NOX4: variants seen among roughly 807,000 people sequenced by gnomAD.
NOX4 encodes the protein NADPH oxidase 4.
Under a neutral mutation model 87.6 loss-of-function variants are expected in NOX4, and 69 were observed. That is an observed-to-expected ratio of 0.79 (90% CI 0.65 to 0.96). The LOEUF is 0.96. NOX4 is among the 40% of genes least tolerant of loss of function. NOX4 has a pLI of 0.00. For missense variants in NOX4, 680 were observed against 681.5 expected, an observed-to-expected ratio of 1.00 and a Z score of 0.02; for synonymous variants, 275 against 238.2, an observed-to-expected ratio of 1.15 and a Z score of -1.42.
intron 11 of NOX4, 62 bp downstream of exon 11, chr11:89,399,954 CA>C: frequency 7.1e-6 from 9 of 1,260,090 alleles, no homozygotes; most frequent in African/African-American, 1.5e-5. Flanking sequence ...AGACAGGACA[CA>C]AAAAAAGAAA....
chr11:89,333,389 CAT>C (rs906660076), intron 17 of NOX4, among the ~76,000 whole-genome samples: 2 of 151,810 alleles, frequency 1.3e-5, no homozygotes, highest in East Asian at 1.9e-4. Flanking sequence ...CACACACACA[CAT>C]ACAAACATAT....
At chr11:89,507,210 G>A in the NOX4 span, among the ~76,000 whole-genome samples, 1 of 151,778 alleles carries the variant, frequency 6.6e-6, no homozygotes, top group Non-Finnish European at 1.5e-5. Context: ...CGTTTAGTAG[G>A]GATGGATACG....
the NOX4 span, among the ~76,000 whole-genome samples, chr11:89,507,931 C>T: frequency 6.6e-6 from 1 of 151,698 alleles, no homozygotes; most frequent in Non-Finnish European, 1.5e-5. Context: ...GAATTAAAAT[C>T]CAAATAGCCA....
the NOX4 span, among the ~76,000 whole-genome samples, chr11:89,557,722 G>C: frequency 6.6e-6 from 1 of 152,020 alleles, no homozygotes; most frequent in Non-Finnish European, 1.5e-5. Context: ...ACTTACTCAG[G>C]ATACCTCATA....
intron 11 of NOX4, among the ~76,000 whole-genome samples, chr11:89,392,453 C>G (rs796661189): frequency 8.5e-5 from 13 of 152,194 alleles, no homozygotes; most frequent in African/African-American, 3.1e-4. Flanking sequence ...TTTCACCAAC[C>G]CAAACACATT....
At chr11:89,333,988 CT>C (rs558741511) in intron 17 of NOX4, among the ~76,000 whole-genome samples, 83 of 151,776 alleles carry the variant, frequency 5.5e-4, no homozygotes, top group Non-Finnish European at 1.0e-3. Flanking sequence ...ACAAATCGCT[CT>C]AAAACACAAA....
chr11:89,531,348 T>C, the NOX4 span, among the ~76,000 whole-genome samples: 2 of 152,114 alleles, frequency 1.3e-5, no homozygotes, highest in Admixed American at 1.3e-4. Flanking sequence ...TAAGCAACAG[T>C]GATTTTAAGA....
chr11:89,484,998 G>A (rs951033396), intron 2 of NOX4, among the ~76,000 whole-genome samples: 1 of 152,078 alleles, frequency 6.6e-6, no homozygotes, highest in Admixed American at 6.6e-5. Flanking sequence ...GCCCAGGCCA[G>A]CTGTGAAACT....
At chr11:89,513,949 CCAA>C in the NOX4 span, among the ~76,000 whole-genome samples, 9 of 151,802 alleles carry the variant, frequency 5.9e-5, no homozygotes, top group Non-Finnish European at 1.3e-4. Flanking sequence ...ACGTTATGAC[CCAA>C]CAAGAAAGCC....
At chr11:89,376,615 G>T (rs1427304903) in intron 11 of NOX4, among the ~76,000 whole-genome samples, 2 of 152,194 alleles carry the variant, frequency 1.3e-5, no homozygotes, top group Admixed American at 1.3e-4. Context: ...GGCCGCAGTG[G>T]CTCACGCCTG....
rs936644259 is a variant in NOX4, at chr11:89,362,173, G to GACACAGACACACACAC, written c.1136-7131_1136-7130insGTGTGTGTGTCTGTGT. On this transcript the variant is annotated intron_variant, in intron 12 of 17. Transcript: ENST00000263317. Reference sequence around the variant, plus strand: ...GCATTTTACATTACACACAGACACAGACACACACACACACACACACACACA... The same window carrying GACACAGACACACACAC: ...GCATTTTACATTACACACAGACACAGACACAGACACACACACACACACACACACACACACACACACA... 4.1e-5 allele frequency among the ~76,000 whole-genome samples: 6 copies of GACACAGACACACACAC among 146,920 alleles called. 1 individual carries two copies. The highest frequency in any genetic ancestry group is 1.5e-4 in the African/African-American group (6 of 40,398).
chr11:89,437,599 T>G (rs1332575484), intron 6 of NOX4, among the ~76,000 whole-genome samples: 1 of 151,926 alleles, frequency 6.6e-6, no homozygotes. Flanking sequence ...ACCAAAATGG[T>G]GCTAATTTGC....
the NOX4 span, among the ~76,000 whole-genome samples, chr11:89,541,045 T>C: frequency 1.3e-5 from 2 of 152,234 alleles, no homozygotes; most frequent in African/African-American, 4.8e-5. Flanking sequence ...TACTCCATCT[T>C]TACCCCGAGG....
intron 15 of NOX4, among the ~76,000 whole-genome samples, chr11:89,338,134 T>C (rs1197565221): frequency 1.3e-5 from 2 of 152,052 alleles, no homozygotes; most frequent in African/African-American, 4.8e-5. Context: ...GATTTTACTG[T>C]ATCTGAATTG....
At chr11:89,441,000 G>C (rs1944430533) in intron 5 of NOX4, among the ~76,000 whole-genome samples, 1 of 152,118 alleles carries the variant, frequency 6.6e-6, no homozygotes, top group South Asian at 2.1e-4. Context: ...CAAGCTGGTG[G>C]CACTGGTTTT....
chr11:89,540,483 T>C, the NOX4 span, among the ~76,000 whole-genome samples: 1 of 151,942 alleles, frequency 6.6e-6, no homozygotes, highest in African/African-American at 2.4e-5. Context: ...GATCCTAATT[T>C]CTTTAAAAAT....
At chr11:89,422,025 C>T (rs1943113047) in intron 7 of NOX4, 43 bp from the exon 8 acceptor site, 1 of 1,041,246 alleles carries the variant, frequency 9.6e-7, no homozygotes, top group Admixed American at 2.6e-5. Flanking sequence ...CTTTACATTC[C>T]ATCTTACTAA....
At chr11:89,588,593 C>G in the NOX4 span, among the ~76,000 whole-genome samples, 5 of 152,262 alleles carry the variant, frequency 3.3e-5, no homozygotes, top group Admixed American at 3.3e-4. Context: ...AACTTTTCAC[C>G]TGGGTGTATG....
At chr11:89,582,773 G>A in the NOX4 span, among the ~76,000 whole-genome samples, 9 of 152,258 alleles carry the variant, frequency 5.9e-5, no homozygotes, top group South Asian at 2.1e-4. Context: ...TCCTTCAGGC[G>A]TTTCTCCTGG....
Sources: allele counts gnomAD v4.1 joint callset (sites outside exome capture counted in the v4.1 genomes callset), GRCh38; gene constraint gnomAD v4.1.1; transcripts MANE v1.5; gene names NCBI Gene and HGNC (gene_info 2026-07-23, HGNC 2026-07-21).